GNG2: variants seen among roughly 807,000 people sequenced by gnomAD.
GNG2 encodes guanine nucleotide-binding protein G(I)/G(S)/G(O) subunit gamma-2.
In GNG2, 5 loss-of-function variants were observed where a neutral mutation model predicts 5.5. The observed-to-expected ratio is 0.91, with a 90% CI of 0.48 to 1.92. The LOEUF is 1.92. GNG2 is among the 30% of genes most tolerant of loss of function. The pLI is 0.01. For synonymous variants in GNG2, 28 were observed against 32.0 expected, an observed-to-expected ratio of 0.88 and a Z score of 0.42; for missense variants, 55 against 88.4, an observed-to-expected ratio of 0.62 and a Z score of 1.52.
rs1890070975 is a variant in GNG2 at position 51,968,874 on chromosome 14, T to C, written c.*2187T>C. On this transcript the variant is annotated 3_prime_UTR_variant, in exon 4 of 4. Coordinates refer to ENST00000556766, the MANE Select transcript of GNG2 (RefSeq NM_053064.5). The stretch of plus-strand genomic sequence containing the variant: ...CAGCATTTCCTTTTCTCAGAAGGAC[T>C]CTTTATATTTCCATGTAAATCTAGA... 6.6e-6 allele frequency: 1 copy of C among 152,230 alleles called. No homozygotes were observed. Among genetic ancestry groups the C allele is most frequent in the South Asian group, 2.1e-4 (1 of 4,820 alleles). 9.4% of individuals were successfully genotyped at this position (152,230 alleles called of 1,614,324 possible). A position where few individuals can be genotyped will look rare whatever the true frequency, so the allele number is the denominator to read the frequency against.
At chr14:51,855,653 A>G (rs1407447940), upstream of GNG2, among the ~76,000 whole-genome samples, 1 of 152,190 alleles carries the variant, frequency 6.6e-6, no homozygotes, top group African/African-American at 2.4e-5. Flanking sequence ...TGTACCATCA[A>G]TGTGTAAGAG....
intron 2 of GNG2, among the ~76,000 whole-genome samples, chr14:51,937,237 G>T (rs1232787936): frequency 6.6e-6 from 1 of 152,198 alleles, no homozygotes; most frequent in African/African-American, 2.4e-5. Context: ...TACATTATCA[G>T]AGATGTATAA....
intron 2 of GNG2, among the ~76,000 whole-genome samples, chr14:51,890,148 C>T (rs2140158318): frequency 6.6e-6 from 1 of 152,294 alleles, no homozygotes; most frequent in Middle Eastern, 3.4e-3. Context: ...GGACAGACTT[C>T]CTCCCTTTCT....
Position 51,967,750 on chromosome 14 carries a change from CTTT to C in GNG2, c.*1065_*1067del. Reference sequence around the variant, plus strand: ...AGGATTCACCATGAGCTGGGAAATGCTTTTGCCATGAGTATGAGCAAATTCCCT... The same window carrying C: ...AGGATTCACCATGAGCTGGGAAATGCTGCCATGAGTATGAGCAAATTCCCT... On this transcript the variant is annotated 3_prime_UTR_variant, in exon 4 of 4. Transcript: ENST00000556766. The C allele has an allele frequency of 6.6e-6, 1 of 152,116 alleles. No individual in the cohort carries two copies. 9.4% of individuals were successfully genotyped at this position (152,116 alleles called of 1,614,324 possible). A position where few individuals can be genotyped will look rare whatever the true frequency, so the allele number is the denominator to read the frequency against.
intron 3 of GNG2, among the ~76,000 whole-genome samples, chr14:51,960,435 C>T (rs1250107217): frequency 2.7e-5 from 4 of 146,744 alleles, no homozygotes; most frequent in South Asian, 2.2e-4. Flanking sequence ...TAACAATATT[C>T]GTGTCTATAA....
Position 51,907,417 on chromosome 14 carries a change from C to T in GNG2, c.-30+29760C>T, listed in dbSNP as rs116030167. ...AGGGTCTTAAGTAGAAGTATAACAA[C>T]GGTAATAGCAGAAGAATTTCTGCAG... On this transcript the variant is annotated intron_variant, in intron 2 of 3. Transcript: ENST00000556766. Among the ~76,000 whole-genome samples the T allele has an allele frequency of 8.4e-3, 1,275 of 152,296 alleles. 19 individuals carry two copies. Among genetic ancestry groups the T allele is most frequent in the African/African-American group, 0.028 (1,169 of 41,548 alleles).
intron 2 of GNG2, among the ~76,000 whole-genome samples, chr14:51,837,335 T>C (rs1881359133): frequency 6.6e-6 from 1 of 152,140 alleles, no homozygotes. Context: ...TGTTAATTAT[T>C]GCCAGATACA....
At chr14:51,917,334 T>C in intron 2 of GNG2, 1 of 456,068 alleles carries the variant, frequency 2.2e-6, no homozygotes, top group South Asian at 1.5e-5. Context: ...CTGTACTTAC[T>C]GAGCCCCAAG....
intron 2 of GNG2, among the ~76,000 whole-genome samples, chr14:51,923,503 G>C (rs979048100): frequency 6.6e-6 from 1 of 151,038 alleles, no homozygotes; most frequent in Non-Finnish European, 1.5e-5. Context: ...ATGTATGTGT[G>C]TGTGTATGTG....
chr14:51,835,925 A>T (rs922092527), intron 2 of GNG2, among the ~76,000 whole-genome samples: 1 of 152,040 alleles, frequency 6.6e-6, no homozygotes, highest in Non-Finnish European at 1.5e-5. Context: ...ACAGGGAAAC[A>T]TATATTATAA....
chr14:51,966,967 C>CCCA lies in GNG2; in HGVS notation c.*282_*283insACC, dbSNP rs1889960767. 1 of 176,488 alleles carries CCCA rather than the reference C, an allele frequency of 5.7e-6. No homozygotes were observed. Among genetic ancestry groups the CCCA allele is most frequent in the Non-Finnish European group, 1.1e-5 (1 of 87,438 alleles). 10.9% of individuals were successfully genotyped at this position (176,488 alleles called of 1,614,324 possible). A position where few individuals can be genotyped will look rare whatever the true frequency, so the allele number is the denominator to read the frequency against. On this transcript the variant is annotated 3_prime_UTR_variant, in exon 4 of 4. Coordinates refer to ENST00000556766, the MANE Select transcript of GNG2 (RefSeq NM_053064.5). ...TTCTTTTCTGCTATCCCCCAGCCCC[C>CCCA]CCCCCAAAATCCTCATGTTTCTGCT...
chr14:51,835,419 G>A (rs192014097), intron 2 of GNG2, among the ~76,000 whole-genome samples: 1 of 152,330 alleles, frequency 6.6e-6, no homozygotes, highest in Admixed American at 6.5e-5. Flanking sequence ...TAATGTTTCA[G>A]AGGTCCAAGG....
chr14:51,847,875 CTTTTTCTTTTTTTT>C (rs1315406301), intron 2 of GNG2, among the ~76,000 whole-genome samples: 2 of 66,148 alleles, frequency 3.0e-5, no homozygotes, highest in Non-Finnish European at 6.3e-5. Flanking sequence ...AATACAGGTC[CTTTTTCTTTTTTTT>C]TTTTTTTTTT....
intron 1 of GNG2, among the ~76,000 whole-genome samples, chr14:51,876,295 T>C (rs140398571): frequency 1.7e-3 from 258 of 152,240 alleles, no homozygotes; most frequent in African/African-American, 5.9e-3. Flanking sequence ...GTTTCTGTTT[T>C]ACTTAATAGG....
At position 51,969,340 on chromosome 14, in the gene GNG2, T is replaced by G. The variant is rs1259053242; in HGVS notation, c.*2653T>G. The G allele has an allele frequency of 6.6e-6, 1 of 152,206 alleles. No homozygotes were observed. The highest frequency in any genetic ancestry group is 1.9e-4 in the East Asian group (1 of 5,200). 9.4% of individuals were successfully genotyped at this position (152,206 alleles called of 1,614,324 possible). A position where few individuals can be genotyped will look rare whatever the true frequency, so the allele number is the denominator to read the frequency against. ...AACTCCAGTTTAAAAAGTGTTATTT[T>G]TAAAACATTTGAAACCAAGTACTGT... On this transcript the variant is annotated 3_prime_UTR_variant, in exon 4 of 4. Coordinates refer to ENST00000556766, the MANE Select transcript of GNG2 (RefSeq NM_053064.5).
chr14:51,966,224 A>AAAAAC (rs1566720275), intron 3 of GNG2, among the ~76,000 whole-genome samples: 3 of 148,294 alleles, frequency 2.0e-5, no homozygotes, highest in East Asian at 3.9e-4. Context: ...AAAAAAAAAA[A>AAAAAC]AAAAAAAAAA....
chr14:51,882,673 C>T (rs1279803935), intron 2 of GNG2, among the ~76,000 whole-genome samples: 6 of 152,120 alleles, frequency 3.9e-5, no homozygotes, highest in Non-Finnish European at 7.4e-5. Flanking sequence ...TTCCACCTAT[C>T]GTGGGACAGA....
intron 3 of GNG2, among the ~76,000 whole-genome samples, chr14:51,952,655 A>T (rs566801154): frequency 6.6e-5 from 10 of 152,308 alleles, no homozygotes; most frequent in African/African-American, 2.4e-4. Context: ...GGAGGATATG[A>T]TGTGCTCATG....
chr14:51,957,826 T>C (rs1277904403), intron 3 of GNG2, among the ~76,000 whole-genome samples: 3 of 152,212 alleles, frequency 2.0e-5, no homozygotes, highest in Admixed American at 6.6e-5. Flanking sequence ...ATTTATTTTT[T>C]AGAATGTCAC....
Sources: gnomAD v4.1 joint callset for allele counts (sites outside exome capture counted in the v4.1 genomes callset) on GRCh38, gnomAD v4.1.1 for gene constraint, MANE v1.5 for transcripts, NCBI Gene and HGNC (gene_info 2026-07-23, HGNC 2026-07-21) for gene names.